MSI2: variants seen among roughly 807,000 people sequenced by gnomAD.
MSI2 encodes the protein musashi RNA binding protein 2, also known as RNA-binding protein Musashi homolog 2.
MSI2 carries 17 observed loss-of-function variants against 45.6 expected under a neutral mutation model. The ratio of observed to expected loss-of-function variants is 0.37; its 90% confidence interval spans 0.26 to 0.56. The LOEUF is 0.56. Among genes scored for constraint, MSI2 ranks in the 20% least tolerant of loss-of-function variants. The pLI is 0.77. For missense variants in MSI2, 293 were observed against 444.2 expected (o/e 0.66, Z 3.06); for synonymous variants, 156 against 158.2 (o/e 0.99, Z 0.11).
chr17:57,488,656 C>A (rs1222555033), intron 6 of MSI2, among the ~76,000 whole-genome samples: 1 of 152,066 alleles, frequency 6.6e-6, no homozygotes, highest in Non-Finnish European at 1.5e-5. Flanking sequence ...AACCCCATTT[C>A]TACAAAAAAT....
chr17:57,344,631 AG>A (rs1915439274), intron 5 of MSI2, among the ~76,000 whole-genome samples: 1 of 152,166 alleles, frequency 6.6e-6, no homozygotes, highest in Non-Finnish European at 1.5e-5. Flanking sequence ...GGAGAGATAT[AG>A]GAAACATGAG....
chr17:57,503,362 C>T (rs948515278), intron 6 of MSI2, among the ~76,000 whole-genome samples: 11 of 152,128 alleles, frequency 7.2e-5, no homozygotes, highest in East Asian at 5.8e-4. Flanking sequence ...CACACATATA[C>T]GTTTTGCTAG....
At chr17:57,610,898 C>A (rs1160215638) in intron 8 of MSI2, among the ~76,000 whole-genome samples, 1 of 94,710 alleles carries the variant, frequency 1.1e-5, no homozygotes, top group African/African-American at 3.3e-5. Context: ...AATTTCAGAA[C>A]AAATCCCATC....
chr17:57,697,339 TCTCA>T, the MSI2 span, among the ~76,000 whole-genome samples: 15 of 151,588 alleles, frequency 9.9e-5, no homozygotes, highest in South Asian at 2.1e-4. Flanking sequence ...CACTCAGCCC[TCTCA>T]CTCACACCCA....
At position 57,556,016 on chromosome 17, in the gene MSI2, A is replaced by G. The variant is rs553500429; in HGVS notation, c.454+26292A>G. Among the ~76,000 whole-genome samples, 11 of 152,364 alleles carry G rather than the reference A, an allele frequency of 7.2e-5. No individual in the cohort carries two copies. The East Asian group carries it at 2.1e-3, about 29-fold the overall frequency. ...TTACACTGTTAGTGGTAATGGTGACACATTATCTGAGTTTTGTTGCTTGTA... is the reference window on the plus strand; with the variant it reads ...TTACACTGTTAGTGGTAATGGTGACGCATTATCTGAGTTTTGTTGCTTGTA... On this transcript the variant is annotated intron_variant, in intron 7 of 13. Coordinates refer to ENST00000284073, the MANE Select transcript of MSI2 (RefSeq NM_138962.4).
At chr17:57,283,317 C>G (rs1909588844) in intron 5 of MSI2, among the ~76,000 whole-genome samples, 2 of 152,102 alleles carry the variant, frequency 1.3e-5, no homozygotes, top group African/African-American at 4.8e-5. Context: ...AATGTCAGCC[C>G]CTGGGGCTGA....
intron 6 of MSI2, among the ~76,000 whole-genome samples, chr17:57,424,430 G>T (rs1018692098): frequency 1.3e-5 from 2 of 152,254 alleles, no homozygotes; most frequent in African/African-American, 4.8e-5. Context: ...AGGCACAGAA[G>T]AGCCTGTGTC....
intron 5 of MSI2, among the ~76,000 whole-genome samples, chr17:57,269,636 G>T (rs139474485): frequency 1.4e-4 from 22 of 152,270 alleles, no homozygotes; most frequent in Non-Finnish European, 2.5e-4. Flanking sequence ...CTTAACAAGG[G>T]ACCATGATAT....
rs1291725474 is a variant in MSI2 at position 57,682,310 on chromosome 17, T to C, written c.*2793T>C. The stretch of plus-strand genomic sequence containing the variant: ...AAATGCCGGCGGACTCTACGGCGTT[T>C]TGTAGATCCCCCCCCCCCCACCCAC... On this transcript the variant is annotated 3_prime_UTR_variant, in exon 14 of 14. Transcript: ENST00000284073. 1.6e-5 allele frequency: 3 copies of C among 185,150 alleles called. No homozygotes were observed. Among genetic ancestry groups the C allele is most frequent in the African/African-American group, 7.1e-5 (3 of 42,068 alleles). 11.5% of individuals were successfully genotyped at this position (185,150 alleles called of 1,614,324 possible).
chr17:57,488,853 C>T (rs2085807791), intron 6 of MSI2, among the ~76,000 whole-genome samples: 1 of 151,738 alleles, frequency 6.6e-6, no homozygotes, highest in African/African-American at 2.4e-5. Context: ...TCAGATCCTG[C>T]AAAGTGACAG....
intron 6 of MSI2, among the ~76,000 whole-genome samples, chr17:57,439,304 T>A (rs1269302756): frequency 6.6e-6 from 1 of 152,212 alleles, no homozygotes; most frequent in Non-Finnish European, 1.5e-5. Context: ...TAGGTCTGGA[T>A]GAGGATTTGC....
At chr17:57,674,221 C>G (rs1268424625) in intron 11 of MSI2, among the ~76,000 whole-genome samples, 4 of 121,082 alleles carry the variant, frequency 3.3e-5, no homozygotes, top group Non-Finnish European at 4.8e-5. Context: ...TGATGACTTT[C>G]ATTCAGTGTT....
At chr17:57,477,148 GTGTGTGT>G (rs2085555041) in intron 6 of MSI2, among the ~76,000 whole-genome samples, 1 of 9,544 alleles carries the variant, frequency 1.0e-4, no homozygotes. Flanking sequence ...AAGGCCTGGT[GTGTGTGT>G]GTGTGTGTGT....
intron 5 of MSI2, among the ~76,000 whole-genome samples, chr17:57,316,819 G>A (rs1019192880): frequency 1.3e-5 from 2 of 152,146 alleles, no homozygotes; most frequent in African/African-American, 4.8e-5. Context: ...CATCACAAAT[G>A]CTATCCTTTG....
chr17:57,302,123 A>G (rs753844300), intron 5 of MSI2, among the ~76,000 whole-genome samples: 1 of 152,204 alleles, frequency 6.6e-6, no homozygotes, highest in Non-Finnish European at 1.5e-5. Flanking sequence ...TGATTGGTGC[A>G]TGATACTTTT....
chr17:57,280,992 A>T lies in MSI2; in HGVS notation c.312+18800A>T, dbSNP rs1909369548. Among the ~76,000 whole-genome samples the T allele has an allele frequency of 6.6e-6, 1 of 152,120 alleles. No individual in the cohort carries two copies. The highest frequency in any genetic ancestry group is 1.5e-5 in the Non-Finnish European group (1 of 68,016). ...AGGGGCTCTCCCGTGAGTTCTGCCC[A>T]GGCCAGGGGCCCAAGGAGGAGGTGC... On this transcript the variant is annotated intron_variant, in intron 5 of 13. Coordinates refer to ENST00000284073, the MANE Select transcript of MSI2 (RefSeq NM_138962.4). The surrounding 1 kb of genome is among the most constrained non-coding windows in gnomAD (Gnocchi z 4.2).
intron 6 of MSI2, among the ~76,000 whole-genome samples, chr17:57,418,810 A>G (rs1195649223): frequency 6.6e-6 from 1 of 152,240 alleles, no homozygotes; most frequent in Non-Finnish European, 1.5e-5. Context: ...AGAGGAAAAA[A>G]TGGATCCACA....
the MSI2 span, among the ~76,000 whole-genome samples, chr17:57,698,926 T>TGCGTGTGTGTGC: frequency 7.5e-6 from 1 of 134,020 alleles, no homozygotes; most frequent in African/African-American, 3.2e-5. Context: ...TGTGTGTGTG[T>TGCGTGTGTGTGC]GTGTGTGTGT....
intron 5 of MSI2, among the ~76,000 whole-genome samples, chr17:57,378,528 C>T (rs962840883): frequency 1.3e-5 from 2 of 152,194 alleles, no homozygotes; most frequent in Non-Finnish European, 2.9e-5. Flanking sequence ...TCCCAAAGTG[C>T]TGGGATTACA....
Sources: gnomAD v4.1 joint callset for allele counts (sites outside exome capture counted in the v4.1 genomes callset) on GRCh38, gnomAD v4.1.1 for gene constraint, Gnocchi (gnomAD v3.1) non-coding constraint, MANE v1.5 for transcripts, NCBI Gene and HGNC (gene_info 2026-07-23, HGNC 2026-07-21) for gene names.